Variants in PKD1L3 observed in about 807,000 individuals in gnomAD.
PKD1L3 encodes polycystin-1-like protein 3.
Under a neutral mutation model 184.1 loss-of-function variants are expected in PKD1L3, and 239 were observed. That is an observed-to-expected ratio of 1.30 (90% CI 1.17 to 1.45). PKD1L3 has a LOEUF of 1.45. Ranked by LOEUF, PKD1L3 falls within the 40% of genes most tolerant of loss-of-function variation. PKD1L3 has a pLI of 0.00. For missense variants in PKD1L3, 2,660 were observed against 2,067.2 expected, an observed-to-expected ratio of 1.29 and a Z score of -5.56; for synonymous variants, 996 against 778.8, an observed-to-expected ratio of 1.28 and a Z score of -4.64.
intron 5 of PKD1L3, 148 bp downstream of exon 5, chr16:71,986,073 A>T: frequency 9.5e-7 from 1 of 1,050,386 alleles, no homozygotes; most frequent in Non-Finnish European, 1.4e-6. Flanking sequence ...GGCTGTTTCC[A>T]TGGACTTGTT....
intron 16 of PKD1L3, among the ~76,000 whole-genome samples, chr16:71,957,146 G>A (rs980240569): frequency 1.3e-5 from 2 of 151,992 alleles, no homozygotes. Flanking sequence ...TAAAAGATAC[G>A]ACAAAAGAAT....
At chr16:71,949,058 C>T (rs965708011) in intron 21 of PKD1L3, among the ~76,000 whole-genome samples, 5 of 151,918 alleles carry the variant, frequency 3.3e-5, no homozygotes, top group Non-Finnish European at 7.4e-5. Context: ...TGATATTGTT[C>T]CCCCCAAATA....
chr16:71,937,488 C>G, intron 24 of PKD1L3, 69 bp from the exon 25 acceptor site: 1 of 1,498,934 alleles, frequency 6.7e-7, no homozygotes, highest in East Asian at 2.5e-5. Flanking sequence ...TAAACTTTGT[C>G]TTTGAATAAC....
rs1424014009 is a variant in PKD1L3 at position 71,967,187 on chromosome 16, G to C, written c.2415C>G (p.Asn805Lys). ...CATGCCAGAGCCGAAGGCTGTGCAG[G>C]TTCCCTAGAGAGGTCCAAGTGGTGA... The part of the protein sequence containing the change: ...FLLTTWTSLG[N>K]LHSLRLWHDN... The change falls in exon 15 of 30, where the codon AAC becomes AAG. Residue 805 changes from asparagine to lysine, a missense_variant. Coordinates refer to ENST00000620267, the MANE Select transcript of PKD1L3 (RefSeq NM_181536.2). 3.2e-6 allele frequency: 5 copies of C among 1,551,614 alleles called. No individual in the cohort carries two copies. The South Asian group carries it at 4.8e-5, about 15-fold the overall frequency.
Position 71,998,478 on chromosome 16 carries a change from T to C in PKD1L3, c.296-84A>G, listed in dbSNP as rs57024912. 11,459 of 1,465,136 alleles carry C rather than the reference T, an allele frequency of 7.8e-3. 780 individuals carry two copies. In the African/African-American group the frequency reaches 0.15, roughly 19 times the overall value. 90.8% of individuals were successfully genotyped at this position (1,465,136 alleles called of 1,614,324 possible). On this transcript the variant is annotated intron_variant, in intron 1 of 29. Transcript: ENST00000620267. ...TTTTTTATTATTGTTTTTGAGACAG[T>C]CCCACTCAGTCACCCAAGCTGGAGT... is the stretch of plus-strand genomic sequence containing the variant.
At chr16:71,934,222 C>A in intron 26 of PKD1L3, 97 bp from the exon 27 acceptor site, 9 of 1,121,052 alleles carry the variant, frequency 8.0e-6, no homozygotes, top group Non-Finnish European at 1.2e-5. Flanking sequence ...AGCCCTGAGT[C>A]CTGTGAGGTC....
rs991114680 is a variant in PKD1L3 at position 71,973,384 on chromosome 16, G to A, written c.1893C>T (p.Ala631=). 3.2e-6 allele frequency: 5 copies of A among 1,551,596 alleles called. No individual in the cohort carries two copies. The highest frequency in any genetic ancestry group is 2.7e-5 in the African/African-American group (2 of 73,120). The change falls in exon 12 of 30, where the codon GCC becomes GCT. Residue 631 remains alanine (A), a synonymous_variant. Coordinates refer to ENST00000620267, the MANE Select transcript of PKD1L3 (RefSeq NM_181536.2). ...TCTCCCAGTAGTAACACTGAGTGAC[G>A]GCGGTGATGACCGAGACCAAGCTGG... The part of the protein sequence containing the change: ...QTPSLVSVIT[A]VTQCYYWEIH...
rs1277430548 is a variant in PKD1L3, at chr16:71,967,200, G to T, written c.2402C>A (p.Thr801Asn). The T allele has an allele frequency of 6.4e-7, 1 of 1,551,612 alleles. No homozygotes were observed. Among genetic ancestry groups the T allele is most frequent in the Non-Finnish European group, 8.7e-7 (1 of 1,146,996 alleles). ...GLDVFLLTTWTSLGNLHSLRL... is the reference protein window; with the variant it reads ...GLDVFLLTTWNSLGNLHSLRL... ...AAGGCTGTGCAGGTTCCCTAGAGAG[G>T]TCCAAGTGGTGAGAAGGAAGACATC... is the stretch of plus-strand genomic sequence containing the variant. The change falls in exon 15 of 30, where the codon ACC becomes AAC. Residue 801 changes from threonine to asparagine, a missense_variant. By Grantham distance (65) the Thr-to-Asn change is moderately conservative. Coordinates refer to ENST00000620267, the MANE Select transcript of PKD1L3 (RefSeq NM_181536.2).
Position 71,951,592 on chromosome 16 carries a change from A to C in PKD1L3, c.3162T>G (p.His1054Gln). 1 of 1,551,424 alleles carries C rather than the reference A, an allele frequency of 6.4e-7. No individual in the cohort carries two copies. Among genetic ancestry groups the C allele is most frequent in the Non-Finnish European group, 8.7e-7 (1 of 1,146,910 alleles). The change falls in exon 19 of 30, where the codon CAT becomes CAG. Residue 1054 changes from histidine to glutamine, a missense_variant. Physicochemically the swap from His to Gln is conservative, Grantham distance 24. Coordinates refer to ENST00000620267, the MANE Select transcript of PKD1L3 (RefSeq NM_181536.2). Reference protein sequence around the residue: ...VSSHLEGQGCHQQGERHWARV... With the variant: ...VSSHLEGQGCQQQGERHWARV... ...GTGCCCAGTGGCGCTCTCCCTGCTG[A>C]TGACAGCCTTGACCCTCCAAGTGAG...
chr16:71,962,082 G>A (rs1375792484), intron 16 of PKD1L3, among the ~76,000 whole-genome samples: 5 of 146,776 alleles, frequency 3.4e-5, no homozygotes, highest in East Asian at 4.0e-4. Flanking sequence ...ATGCTACCAA[G>A]TCTGGCTAAT....
At chr16:71,982,576 C>T (rs1267604466) in intron 6 of PKD1L3, among the ~76,000 whole-genome samples, 1 of 151,220 alleles carries the variant, frequency 6.6e-6, no homozygotes, top group Admixed American at 6.6e-5. Flanking sequence ...TGAGCCACCA[C>T]GCCCAGCCTA....
chr16:71,952,273 C>T (rs938844348), intron 18 of PKD1L3, among the ~76,000 whole-genome samples: 4 of 129,048 alleles, frequency 3.1e-5, no homozygotes, highest in South Asian at 2.5e-4. Context: ...AGTGCAGGGG[C>T]GCAATCTTGG....
intron 5 of PKD1L3, among the ~76,000 whole-genome samples, chr16:71,985,819 G>A (rs1430634990): frequency 6.6e-6 from 1 of 152,130 alleles, no homozygotes; most frequent in Non-Finnish European, 1.5e-5. Flanking sequence ...CTCTCACCTT[G>A]GCCTCCCAAA....
At chr16:71,929,993 T>G in intron 29 of PKD1L3, 59 bp downstream of exon 29, 1 of 1,493,854 alleles carries the variant, frequency 6.7e-7, no homozygotes, top group Non-Finnish European at 9.0e-7. Flanking sequence ...TTAGGGGCAG[T>G]TACAGTGGAG....
chr16:71,954,004 CCAG>C, intron 17 of PKD1L3, 98 bp downstream of exon 17: 6 of 1,022,250 alleles, frequency 5.9e-6, no homozygotes, highest in Non-Finnish European at 8.0e-6. Flanking sequence ...TCACTTGAGG[CCAG>C]GAGTTCTAGA....
chr16:71,930,210 G>A, intron 28 of PKD1L3, 27 bp from the exon 29 acceptor site: 2 of 1,522,816 alleles, frequency 1.3e-6, no homozygotes, highest in African/African-American at 1.4e-5. Flanking sequence ...AACACTTGCA[G>A]TGACTGACAA....
chr16:71,972,113 G>A (rs534084272), intron 12 of PKD1L3, among the ~76,000 whole-genome samples: 2 of 152,292 alleles, frequency 1.3e-5, no homozygotes, highest in African/African-American at 4.8e-5. Flanking sequence ...CTACTTGGGA[G>A]GCTGAGGCAG....
chr16:71,939,885 A>G (rs997938977), intron 24 of PKD1L3, among the ~76,000 whole-genome samples: 1 of 152,206 alleles, frequency 6.6e-6, no homozygotes, highest in Non-Finnish European at 1.5e-5. Context: ...AAACTTCAAT[A>G]GATGAAGAAA....
chr16:71,935,489 C>A lies in PKD1L3; in HGVS notation c.4482G>T (p.Arg1494Ser), dbSNP rs1322287410. 1 of 1,552,136 alleles carries A rather than the reference C, an allele frequency of 6.4e-7. No homozygotes were observed. The change falls in exon 26 of 30, where the codon AGG (arginine) becomes AGT (serine). Residue 1494 changes from arginine to serine, a missense_variant. Coordinates refer to ENST00000620267, the MANE Select transcript of PKD1L3 (RefSeq NM_181536.2). The part of the protein sequence containing the change: ...QGCQLKQQKW[R>S]FFTGKRNILD... ...GAATGTTTCTTTTCCCAGTGAAGAA[C>A]CTCCACTTCTGCTGTTTCAGCTGAC...
Sources: gnomAD v4.1 joint callset for allele counts (sites outside exome capture counted in the v4.1 genomes callset) on GRCh38, gnomAD v4.1.1 for gene constraint, MANE v1.5 for transcripts, NCBI Gene and HGNC (gene_info 2026-07-23, HGNC 2026-07-21) for gene names.